MTR: variants seen among roughly 807,000 people sequenced by gnomAD.
MTR encodes methionine synthase.
Under a neutral mutation model 154.8 loss-of-function variants are expected in MTR, and 84 were observed. The ratio of observed to expected loss-of-function variants is 0.54; its 90% CI spans 0.45 to 0.65. The LOEUF (loss-of-function observed/expected upper bound fraction) is 0.65, where lower values mean the gene tolerates loss of function less well. MTR is among the 30% of genes least tolerant of loss of function. The probability of loss-of-function intolerance (pLI) is 0.00; values close to 1 mark genes in which losing one functional copy is unlikely to be tolerated. For synonymous variants in MTR, 554 were observed against 553.9 expected (o/e 1.00, Z 0.00); for missense variants, 1,275 against 1,570.2 (o/e 0.81, Z 3.18).
chr1:236,823,864 G>GAAT (rs1028020944), intron 8 of MTR, among the ~76,000 whole-genome samples: 3 of 104,216 alleles, frequency 2.9e-5, no homozygotes, highest in Admixed American at 1.5e-4. Flanking sequence ...CTGTACCATA[G>GAAT]AATACCATGT....
rs993072183 is a variant in MTR, at chr1:236,901,132, C to G, written c.*3488C>G. ...GAAGCCAGGAGGGAGAGTGCAATGC[C>G]GAGAAAGCAATGAAGAGCGTTTCGA... On this transcript the variant is annotated 3_prime_UTR_variant, in exon 33 of 33. Coordinates refer to ENST00000366577, the MANE Select transcript of MTR (RefSeq NM_000254.3). The G allele has an allele frequency of 5.9e-5, 9 of 152,758 alleles. No individual in the cohort carries two copies. Among genetic ancestry groups the G allele is most frequent in the African/African-American group, 2.2e-4 (9 of 41,354 alleles). 9.5% of individuals were successfully genotyped at this position (152,758 alleles called of 1,614,324 possible).
chr1:236,829,197 C>G lies in MTR; in HGVS notation c.1004C>G (p.Ala335Gly). The G allele has an allele frequency of 6.2e-7, 1 of 1,613,156 alleles. No homozygotes were observed. Among genetic ancestry groups the G allele is most frequent in the Non-Finnish European group, 8.5e-7 (1 of 1,179,224 alleles). ...GSTPDHIREIAEAVKNCKPRV... is the reference protein window; with the variant it reads ...GSTPDHIREIGEAVKNCKPRV... The stretch of plus-strand genomic sequence containing the variant: ...TTCCTCTTTCAACTCAGGGAAATTG[C>G]TGAAGCTGTGAAAAATTGTAAGCCT... The change falls in exon 12 of 33, where the codon GCT becomes GGT. Residue 335 changes from alanine (A) to glycine (G), a missense_variant. Ala to Gly is a moderately conservative substitution (Grantham distance 60). Transcript: ENST00000366577.
chr1:236,865,095 A>AT (rs1175248716), intron 22 of MTR, among the ~76,000 whole-genome samples: 7 of 152,220 alleles, frequency 4.6e-5, no homozygotes, highest in Non-Finnish European at 1.0e-4. Context: ...GCCAGGGAAC[A>AT]TTGTGGCATT....
In MTR at chr1:236,895,557, G is replaced by A; in HGVS notation, c.3598+7G>A. 1 of 1,562,484 alleles carries A rather than the reference G, an allele frequency of 6.4e-7. No homozygotes were observed. Among genetic ancestry groups the A allele is most frequent in the East Asian group, 2.4e-5 (1 of 41,668 alleles). On this transcript the variant is annotated splice_region_variant and intron_variant, in intron 31 of 32. Coordinates refer to ENST00000366577, the MANE Select transcript of MTR (RefSeq NM_000254.3). ...GACATCGAGCAGTCTACAGGTAGGA[G>A]CCAGGAGGCTGCGGGTTCCTGTCTT... is the stretch of plus-strand genomic sequence containing the variant.
rs1376848857 is a variant in MTR, at chr1:236,830,005, C to T, written c.1075+737C>T. On this transcript the variant is annotated intron_variant, in intron 12 of 32. Coordinates refer to ENST00000366577, the MANE Select transcript of MTR (RefSeq NM_000254.3). ...TGTTCCCTAATAGCTTAGAATTTAA[C>T]ATCTCTCTGAATTGAAATATTTTTG... is the stretch of plus-strand genomic sequence containing the variant. Among the ~76,000 whole-genome samples the T allele has an allele frequency of 5.3e-5, 8 of 152,298 alleles. No individual in the cohort carries two copies. The East Asian group carries it at 9.6e-4, about 18-fold the overall frequency.
chr1:236,809,978 A>G (rs1403568812), intron 4 of MTR, among the ~76,000 whole-genome samples: 3 of 152,222 alleles, frequency 2.0e-5, no homozygotes, highest in African/African-American at 7.2e-5. Context: ...GGCCTGCAAT[A>G]TGGTACTAGA....
chr1:236,852,357 C>CG (rs1663955427), intron 16 of MTR, among the ~76,000 whole-genome samples, 164 bp from the exon 17 acceptor site: 1 of 151,954 alleles, frequency 6.6e-6, no homozygotes, highest in Non-Finnish European at 1.5e-5. Context: ...TACTGTAATA[C>CG]GGCAAGCTTT....
chr1:236,870,872 G>A (rs997284954), intron 22 of MTR, among the ~76,000 whole-genome samples: 1 of 152,124 alleles, frequency 6.6e-6, no homozygotes, highest in Non-Finnish European at 1.5e-5. Flanking sequence ...CGAAACTCTT[G>A]CGTCATCCTC....
intron 1 of MTR, 82 bp downstream of exon 1, chr1:236,795,819 T>G: frequency 6.2e-7 from 1 of 1,604,066 alleles, no homozygotes; most frequent in East Asian, 2.2e-5. Flanking sequence ...GGCGATTCCC[T>G]TCTGCGGCGG....
At chr1:236,823,913 C>G (rs1662133359) in intron 8 of MTR, among the ~76,000 whole-genome samples, 1 of 140,280 alleles carries the variant, frequency 7.1e-6, no homozygotes, top group Non-Finnish European at 1.5e-5. Flanking sequence ...CAGCGTCTTT[C>G]AGCTGTAGGA....
At chr1:236,814,456 T>C (rs1246018015) in intron 6 of MTR, among the ~76,000 whole-genome samples, 1 of 152,236 alleles carries the variant, frequency 6.6e-6, no homozygotes, top group South Asian at 2.1e-4. Flanking sequence ...GCATACATTA[T>C]GATTATATGG....
chr1:236,825,737 A>G (rs1042943792), intron 10 of MTR, among the ~76,000 whole-genome samples: 4 of 152,082 alleles, frequency 2.6e-5, no homozygotes, highest in Non-Finnish European at 5.9e-5. Context: ...GGTGGAGTAG[A>G]TGTCCCCCTG....
At position 236,897,441 on chromosome 1, in the gene MTR, A is replaced by G. The variant is rs1413836816; in HGVS notation, c.3712-117A>G. Reference sequence around the variant, plus strand: ...TATCTATCTCCATTTAACTCTGTAGATTGCTATTAAGACAAGAAATGCAAG... The same window carrying G: ...TATCTATCTCCATTTAACTCTGTAGGTTGCTATTAAGACAAGAAATGCAAG... On this transcript the variant is annotated intron_variant, in intron 32 of 32. Transcript: ENST00000366577. The G allele has an allele frequency of 5.0e-6, 5 of 1,006,244 alleles. No homozygotes were observed. In the Admixed American group the frequency reaches 8.8e-5, roughly 18 times the overall value. The allele number at this position is 1,006,244 out of a possible 1,614,324, so 62.3% of individuals were successfully genotyped here. A position where few individuals can be genotyped will look rare whatever the true frequency, so the allele number is the denominator to read the frequency against.
rs970666546 is a variant in MTR at position 236,903,602 on chromosome 1, A to T, written c.*5958A>T. 2 of 152,230 alleles carry T rather than the reference A, an allele frequency of 1.3e-5. No homozygotes were observed. Among genetic ancestry groups the T allele is most frequent in the African/African-American group, 4.8e-5 (2 of 41,468 alleles). 9.4% of individuals were successfully genotyped at this position (152,230 alleles called of 1,614,324 possible). Reference sequence around the variant, plus strand: ...GTTTTTGAGAACCTTGAGAGTGTATATTCTATGAAATGGAAGAAACAAGAA... The same window carrying T: ...GTTTTTGAGAACCTTGAGAGTGTATTTTCTATGAAATGGAAGAAACAAGAA... On this transcript the variant is annotated 3_prime_UTR_variant, in exon 33 of 33. Transcript: ENST00000366577.
intron 13 of MTR, among the ~76,000 whole-genome samples, chr1:236,834,564 T>C (rs979631408): frequency 8.5e-5 from 13 of 152,220 alleles, no homozygotes; most frequent in African/African-American, 2.7e-4. Flanking sequence ...GCATATGCCA[T>C]AGGGTTTCAT....
At chr1:236,795,854 C>T in intron 1 of MTR, 117 bp downstream of exon 1, 1 of 1,504,874 alleles carries the variant, frequency 6.6e-7, no homozygotes, top group Non-Finnish European at 9.1e-7. Context: ...TGTTTCCCCG[C>T]GTGTGGGCGG....
At chr1:236,819,888 A>C (rs1261906636) in intron 8 of MTR, 24 of 872,260 alleles carry the variant, frequency 2.8e-5, no homozygotes, top group Admixed American at 1.7e-4. Context: ...TACTGGCCAG[A>C]GGGCCGTGCT....
At chr1:236,886,002 A>G (rs1039382177) in intron 26 of MTR, among the ~76,000 whole-genome samples, 2 of 152,150 alleles carry the variant, frequency 1.3e-5, no homozygotes, top group African/African-American at 4.8e-5. Flanking sequence ...CAGGTGTTCT[A>G]AAAGTACAGG....
At chr1:236,821,534 A>G (rs116668789) in intron 8 of MTR, among the ~76,000 whole-genome samples, 1,918 of 152,320 alleles carry the variant, frequency 0.013, 44 homozygotes, top group African/African-American at 0.044. Flanking sequence ...TGTACTTAAT[A>G]CTGTCTTTTG....
Sources: allele counts gnomAD v4.1 joint callset (sites outside exome capture counted in the v4.1 genomes callset), GRCh38; gene constraint gnomAD v4.1.1; transcripts MANE v1.5; gene names NCBI Gene and HGNC (gene_info 2026-07-23, HGNC 2026-07-21).